LLGL1: variants seen among roughly 807,000 people sequenced by gnomAD.
The protein encoded by LLGL1 is LLGL scribble cell polarity complex component 1.
Under a neutral mutation model 110.6 loss-of-function variants are expected in LLGL1, and 58 were observed. That is an observed-to-expected ratio of 0.52 (90% CI 0.42 to 0.65). LLGL1 has a LOEUF of 0.65. LLGL1 is among the 30% of genes least tolerant of loss of function. The pLI is 0.00. For synonymous variants in LLGL1, 674 were observed against 607.2 expected (o/e 1.11, Z -1.62); for missense variants, 1,229 against 1,462.1 (o/e 0.84, Z 2.60).
At chr17:18,242,992 G>C (rs941828962) in intron 22 of LLGL1, among the ~76,000 whole-genome samples, 170 bp downstream of exon 22, 1 of 152,230 alleles carries the variant, frequency 6.6e-6, no homozygotes, top group African/African-American at 2.4e-5. Flanking sequence ...GGGGACTTCT[G>C]GTGCTCACAC....
At chr17:18,242,678 C>T (rs2142731012) in intron 21 of LLGL1, 50 bp downstream of exon 21, 1 of 1,573,030 alleles carries the variant, frequency 6.4e-7, no homozygotes, top group South Asian at 1.1e-5. Flanking sequence ...TCCCCTAGGC[C>T]TCCGTCCCCA....
rs1241221310 is a variant in LLGL1 at position 18,234,653 on chromosome 17, C to T, written c.855C>T (p.Pro285=). 3 of 1,614,048 alleles carry T rather than the reference C, an allele frequency of 1.9e-6. No individual in the cohort carries two copies. Among genetic ancestry groups the T allele is most frequent in the Non-Finnish European group, 2.5e-6 (3 of 1,180,030 alleles). Residue 285 remains proline (P), a synonymous_variant, in exon 8 of 23, where the codon CCC becomes CCT. Coordinates refer to ENST00000316843, the MANE Select transcript of LLGL1 (RefSeq NM_004140.4). ...TGACGCTGTCCCACCCCTCAGGCCC[C>T]TTTCCCTGCAAGGCCATTAACAAGA... ...QPTVATTPYG[P]FPCKAINKIL...
rs777493293 is a variant in LLGL1 at position 18,238,060 on chromosome 17, C to G, written c.1905-7C>G. 6.2e-7 allele frequency: 1 copy of G among 1,613,114 alleles called. No individual in the cohort carries two copies. Among genetic ancestry groups the G allele is most frequent in the Non-Finnish European group, 8.5e-7 (1 of 1,179,872 alleles). ...CTATAGCACGACTGGACCCTGTCTT[C>G]CCCCAGGTGCACTCTTCACCCCAAT... On this transcript the variant is annotated splice_region_variant and splice_polypyrimidine_tract_variant and intron_variant, in intron 14 of 22. Coordinates refer to ENST00000316843, the MANE Select transcript of LLGL1 (RefSeq NM_004140.4).
At chr17:18,236,161 G>A (rs960835124) in intron 11 of LLGL1, 6 of 185,242 alleles carry the variant, frequency 3.2e-5, no homozygotes, top group East Asian at 1.6e-4. Flanking sequence ...GCTTTCTCCC[G>A]GCCTCTGTAG....
chr17:18,234,414 T>C lies in LLGL1; in HGVS notation c.850+6T>C. 6.2e-7 allele frequency: 1 copy of C among 1,611,698 alleles called. No individual in the cohort carries two copies. Among genetic ancestry groups the C allele is most frequent in the South Asian group, 1.1e-5 (1 of 90,994 alleles). On this transcript the variant is annotated splice_donor_region_variant and intron_variant, in intron 7 of 22. Transcript: ENST00000316843. ...GGTAGCCACCACACCTTACGGTGAG[T>C]GCTGGGGACACCTTAGCCAGAGGGT...
chr17:18,241,007 C>T, intron 17 of LLGL1, 134 bp downstream of exon 17: 2 of 965,262 alleles, frequency 2.1e-6, no homozygotes, highest in Non-Finnish European at 3.0e-6. Flanking sequence ...CCTTGCACCC[C>T]AGAAAACACT....
Position 18,236,904 on chromosome 17 carries a change from A to G in LLGL1, c.1576A>G (p.Thr526Ala), listed in dbSNP as rs1466779777. ...GVQKVALCKY[T>A]AQMVVAGTAG... Reference sequence around the variant, plus strand: ...GCAGAAGGTTGCTCTCTGCAAGTATACAGCCCAGATGGTGGTGGCTGGCAC... The same window carrying G: ...GCAGAAGGTTGCTCTCTGCAAGTATGCAGCCCAGATGGTGGTGGCTGGCAC... The change falls in exon 13 of 23, where the codon ACA becomes GCA. Residue 526 changes from threonine (T) to alanine (A), a missense_variant. Physicochemically the swap from Thr to Ala is moderately conservative, Grantham distance 58 (BLOSUM62 0). Transcript: ENST00000316843. 6.2e-7 allele frequency: 1 copy of G among 1,613,692 alleles called. No homozygotes were observed. The highest frequency in any genetic ancestry group is 1.3e-5 in the African/African-American group (1 of 75,016).
intron 13 of LLGL1, 180 bp downstream of exon 13, chr17:18,237,119 A>G (rs1360315259): frequency 9.7e-6 from 6 of 617,416 alleles, no homozygotes; most frequent in Admixed American, 2.8e-5. Context: ...CGCTGGGGGA[A>G]CCACAGTGTT....
chr17:18,243,010 A>AG (rs1272885005), intron 22 of LLGL1, among the ~76,000 whole-genome samples, 188 bp downstream of exon 22: 1 of 152,244 alleles, frequency 6.6e-6, no homozygotes, highest in Non-Finnish European at 1.5e-5. Flanking sequence ...CACAGACACC[A>AG]GTGTCATGGT....
chr17:18,237,516 G>A lies in LLGL1; in HGVS notation c.1647G>A (p.Glu549=). The part of the protein sequence containing the change: ...LVLELSDVPV[E]QAVSVAIIDL... ...TGGAGCTTAGTGATGTGCCGGTGGAGCAGGCGGTCAGCGTGGCCATCATAG... is the reference window on the plus strand; with the variant it reads ...TGGAGCTTAGTGATGTGCCGGTGGAACAGGCGGTCAGCGTGGCCATCATAG... Residue 549 remains glutamate, a synonymous_variant, in exon 14 of 23, where the codon GAG becomes GAA. Transcript: ENST00000316843. The A allele has an allele frequency of 6.3e-7, 1 of 1,598,206 alleles. No individual in the cohort carries two copies. The highest frequency in any genetic ancestry group is 8.5e-7 in the Non-Finnish European group (1 of 1,170,068).
chr17:18,240,820 C>T lies in LLGL1; in HGVS notation c.2449C>T (p.Pro817Ser). The change falls in exon 17 of 23, where the codon CCT (proline) becomes TCT (serine). Residue 817 changes from proline (P) to serine (S), a missense_variant. Physicochemically the swap from Pro to Ser is moderately conservative, Grantham distance 74. Transcript: ENST00000316843. This position sits in a 1 kb window ranked among gnomAD's most constrained non-coding sequence, Gnocchi z 5.3. ...YEASRDLAQA[P>S]DMQGGHAVLI... ...GGCCTCACGGGACCTGGCGCAGGCA[C>T]CTGACATGCAGGGTGGTCACGCTGT... 6.4e-7 allele frequency: 1 copy of T among 1,573,048 alleles called. No homozygotes were observed. Among genetic ancestry groups the T allele is most frequent in the South Asian group, 1.1e-5 (1 of 87,816 alleles).
chr17:18,230,666 G>A (rs553166888), intron 2 of LLGL1, among the ~76,000 whole-genome samples: 3 of 152,202 alleles, frequency 2.0e-5, no homozygotes, highest in South Asian at 4.1e-4. Flanking sequence ...TGGGGAAGCC[G>A]AGGTGCCAGG....
chr17:18,241,149 A>G, intron 17 of LLGL1: 1 of 585,464 alleles, frequency 1.7e-6, no homozygotes, highest in Non-Finnish European at 3.0e-6. Context: ...CAGACCCCTG[A>G]GCCCAGTCCC....
chr17:18,232,700 G>T lies in LLGL1; in HGVS notation c.290G>T (p.Ser97Ile). The T allele has an allele frequency of 6.2e-7, 1 of 1,614,146 alleles. No homozygotes were observed. Among genetic ancestry groups the T allele is most frequent in the Non-Finnish European group, 8.5e-7 (1 of 1,180,014 alleles). Residue 97 changes from serine (S) to isoleucine (I), a missense_variant, in exon 4 of 23, where the codon AGC becomes ATC. Ser to Ile is a moderately radical substitution (Grantham distance 142). Coordinates refer to ENST00000316843, the MANE Select transcript of LLGL1 (RefSeq NM_004140.4). The stretch of plus-strand genomic sequence containing the variant: ...CGCCTCCTGTCCCTGCTTGATGACA[G>T]CAGTCTGCATCTCTGGGAGATTGTC... ...QGRLLSLLDDSSLHLWEIVHH... is the reference protein window; with the variant it reads ...QGRLLSLLDDISLHLWEIVHH...
rs749131027 is a variant in LLGL1, at chr17:18,232,676, G to T, written c.266G>T (p.Arg89Leu). The T allele has an allele frequency of 6.2e-7, 1 of 1,614,018 alleles. No homozygotes were observed. Residue 89 changes from arginine (R) to leucine (L), a missense_variant, in exon 4 of 23, where the codon CGC (arginine) becomes CTC (leucine). Coordinates refer to ENST00000316843, the MANE Select transcript of LLGL1 (RefSeq NM_004140.4). Reference sequence around the variant, plus strand: ...TCATCTCTGCTCACACACCAGGGCCGCCTCCTGTCCCTGCTTGATGACAGC... The same window carrying T: ...TCATCTCTGCTCACACACCAGGGCCTCCTCCTGTCCCTGCTTGATGACAGC... ...TQMHFLTGQG[R>L]LLSLLDDSSL... is the part of the protein sequence containing the mutation.
intron 19 of LLGL1, 73 bp from the exon 20 acceptor site, chr17:18,242,092 TG>T: frequency 6.5e-7 from 1 of 1,530,460 alleles, no homozygotes; most frequent in Non-Finnish European, 9.0e-7. Flanking sequence ...GGCTCAGGAG[TG>T]GGAGGGCAAG....
intron 2 of LLGL1, among the ~76,000 whole-genome samples, chr17:18,232,111 A>G (rs1028907950): frequency 2.6e-5 from 4 of 152,250 alleles, no homozygotes; most frequent in African/African-American, 7.2e-5. Context: ...CCCAGAACCC[A>G]TAGACACACG....
At chr17:18,235,421 A>G in intron 10 of LLGL1, 49 bp from the exon 11 acceptor site, 3 of 1,609,644 alleles carry the variant, frequency 1.9e-6, no homozygotes, top group Non-Finnish European at 2.6e-6. Context: ...TGAGAGGGAG[A>G]AGATGTTCGT....
In LLGL1 at chr17:18,237,529, G is replaced by A. The variant is rs759554948; in HGVS notation, c.1660G>A (p.Val554Met). The change falls in exon 14 of 23, where the codon GTG becomes ATG. Residue 554 changes from valine (V) to methionine (M), a missense_variant. Coordinates refer to ENST00000316843, the MANE Select transcript of LLGL1 (RefSeq NM_004140.4). ...SDVPVEQAVS[V>M]AIIDLLQDRE... ...TGTGCCGGTGGAGCAGGCGGTCAGC[G>A]TGGCCATCATAGACCTCCTCCAGGA... 1.8e-5 allele frequency: 29 copies of A among 1,602,410 alleles called. No individual in the cohort carries two copies. The highest frequency in any genetic ancestry group is 1.3e-4 in the East Asian group (6 of 44,580).
Sources: allele counts gnomAD v4.1 joint callset (sites outside exome capture counted in the v4.1 genomes callset), GRCh38; gene constraint gnomAD v4.1.1; non-coding constraint Gnocchi (gnomAD v3.1); transcripts MANE v1.5; gene names NCBI Gene and HGNC (gene_info 2026-07-23, HGNC 2026-07-21).